DLG2: variants seen among roughly 807,000 people sequenced by gnomAD.
DLG2 encodes the protein disks large homolog 2.
DLG2 carries 45 observed loss-of-function variants against 132.5 expected under a neutral mutation model. That is an observed-to-expected ratio of 0.34 (90% CI 0.27 to 0.44). The LOEUF (loss-of-function observed/expected upper bound fraction) is 0.44, where lower values mean the gene tolerates loss of function less well. Among genes scored for constraint, DLG2 ranks in the 20% least tolerant of loss-of-function variants. The probability of loss-of-function intolerance (pLI) is 1.00; values close to 1 mark genes in which losing one functional copy is unlikely to be tolerated. For synonymous variants in DLG2, 424 were observed against 419.6 expected, an observed-to-expected ratio of 1.01 and a Z score of -0.13; for missense variants, 1,045 against 1,196.9, an observed-to-expected ratio of 0.87 and a Z score of 1.87.
At chr11:85,483,396 A>T (rs2093345314) in intron 3 of DLG2, among the ~76,000 whole-genome samples, 1 of 152,184 alleles carries the variant, frequency 6.6e-6, no homozygotes. Flanking sequence ...TCAGAAATGA[A>T]AGAGAAATAA....
At chr11:84,728,398 A>G (rs1352357319) in intron 6 of DLG2, among the ~76,000 whole-genome samples, 1 of 152,174 alleles carries the variant, frequency 6.6e-6, no homozygotes, top group Non-Finnish European at 1.5e-5. Context: ...ATGTTTATTG[A>G]AAGGCATATG....
chr11:84,963,010 A>G (rs2052804825), intron 6 of DLG2, among the ~76,000 whole-genome samples: 1 of 152,182 alleles, frequency 6.6e-6, no homozygotes, highest in Non-Finnish European at 1.5e-5. Context: ...CTTACCTTCT[A>G]AATATTCTCT....
intron 19 of DLG2, among the ~76,000 whole-genome samples, chr11:83,558,904 C>A (rs2096565386): frequency 6.9e-6 from 1 of 145,178 alleles, no homozygotes; most frequent in South Asian, 2.2e-4. Context: ...TAAAATCTGG[C>A]CCCCTCCATC....
intron 7 of DLG2, among the ~76,000 whole-genome samples, chr11:84,426,553 A>G (rs144616480): frequency 0.014 from 2,085 of 152,284 alleles, 26 homozygotes; most frequent in South Asian, 0.034. Context: ...CTAAATTAGA[A>G]CACATAAAAT....
chr11:85,383,172 C>A (rs2152932984), intron 3 of DLG2, among the ~76,000 whole-genome samples: 1 of 152,212 alleles, frequency 6.6e-6, no homozygotes, highest in East Asian at 1.9e-4. Context: ...GTACTAATGT[C>A]TACTAAAACA....
At chr11:84,273,968 G>A (rs1266231243) in intron 7 of DLG2, among the ~76,000 whole-genome samples, 3 of 152,078 alleles carry the variant, frequency 2.0e-5, no homozygotes, top group African/African-American at 7.2e-5. Flanking sequence ...ATATATTGAA[G>A]AAAAGTCACT....
chr11:84,709,550 A>G (rs2060138902), intron 6 of DLG2, among the ~76,000 whole-genome samples: 2 of 152,066 alleles, frequency 1.3e-5, no homozygotes, highest in Admixed American at 6.6e-5. Context: ...GAAGTGAAAG[A>G]GCTTCCCCAA....
rs145701408 is a variant in DLG2, at chr11:83,966,577, G to A, written c.1057-1109C>T. On this transcript the variant is annotated intron_variant, in intron 12 of 27. Coordinates refer to ENST00000376104, the MANE Select transcript of DLG2 (RefSeq NM_001142699.3). ...ATTAGAATAAACGTTAATTCAGGAA[G>A]TATTTCAAATACCTAGGTTATCCGT... is the stretch of plus-strand genomic sequence containing the variant. Among the ~76,000 whole-genome samples, 333 of 152,042 alleles carry A rather than the reference G, an allele frequency of 2.2e-3. 2 individuals are homozygous for A. Among genetic ancestry groups the A allele is most frequent in the Non-Finnish European group, 3.7e-3 (248 of 67,880 alleles).
At chr11:85,493,263 G>A (rs2093602698) in intron 3 of DLG2, among the ~76,000 whole-genome samples, 2 of 152,128 alleles carry the variant, frequency 1.3e-5, no homozygotes, top group Admixed American at 1.3e-4. Context: ...AGTAGAAGCT[G>A]AATAAACTTA....
chr11:84,621,214 A>G (rs780000666), intron 6 of DLG2, among the ~76,000 whole-genome samples: 1 of 152,142 alleles, frequency 6.6e-6, no homozygotes, highest in Non-Finnish European at 1.5e-5. Context: ...ATTTCCACTC[A>G]TATATTTTAG....
At chr11:85,233,296 A>G (rs2075398358) in intron 4 of DLG2, among the ~76,000 whole-genome samples, 1 of 151,864 alleles carries the variant, frequency 6.6e-6, no homozygotes, top group African/African-American at 2.4e-5. Context: ...TGGCATCTTT[A>G]GAGTAAAATT....
At position 84,903,393 on chromosome 11, in the gene DLG2, C is replaced by T. The variant is rs80211853; in HGVS notation, c.357+208268G>A. On this transcript the variant is annotated intron_variant, in intron 6 of 27. Coordinates refer to ENST00000376104, the MANE Select transcript of DLG2 (RefSeq NM_001142699.3). ...TTAAGAGTTGAAAATTTCCCCAACA[C>T]CCCTTTGCGTAGTTAGCTAAGGCCC... Among the ~76,000 whole-genome samples, 1,289 of 152,172 alleles carry T rather than the reference C, an allele frequency of 8.5e-3. 14 individuals carry two copies. The highest frequency in any genetic ancestry group is 0.03 in the African/African-American group (1,228 of 41,544).
intron 6 of DLG2, among the ~76,000 whole-genome samples, chr11:85,053,498 G>A (rs941332134): frequency 1.3e-5 from 2 of 151,794 alleles, no homozygotes; most frequent in African/African-American, 4.8e-5. Flanking sequence ...AAAAAATATA[G>A]TGAGTACAGG....
At chr11:83,704,004 C>G (rs1244093252) in intron 18 of DLG2, among the ~76,000 whole-genome samples, 1 of 152,072 alleles carries the variant, frequency 6.6e-6, no homozygotes, top group African/African-American at 2.4e-5. Flanking sequence ...CCATGACTAC[C>G]ATGTACAATA....
At chr11:84,019,699 T>A (rs150297070) in intron 11 of DLG2, among the ~76,000 whole-genome samples, 2 of 152,070 alleles carry the variant, frequency 1.3e-5, no homozygotes, top group African/African-American at 4.8e-5. Context: ...GAAACAGACA[T>A]GCATACAGGG....
intron 4 of DLG2, among the ~76,000 whole-genome samples, chr11:85,231,689 T>G (rs1595566704): frequency 6.6e-6 from 1 of 151,900 alleles, no homozygotes; most frequent in Non-Finnish European, 1.5e-5. Flanking sequence ...GCACATTAGC[T>G]TTATCCTATC....
chr11:84,493,106 T>G (rs1227856422), intron 7 of DLG2, among the ~76,000 whole-genome samples: 1 of 152,090 alleles, frequency 6.6e-6, no homozygotes, highest in Non-Finnish European at 1.5e-5. Flanking sequence ...CTTTTCTACC[T>G]GAAGTGTCCA....
At chr11:84,728,787 A>G (rs1375557847) in intron 6 of DLG2, among the ~76,000 whole-genome samples, 1 of 152,154 alleles carries the variant, frequency 6.6e-6, no homozygotes, top group Non-Finnish European at 1.5e-5. Flanking sequence ...TGGTTTATTC[A>G]GGGATTCAAC....
At chr11:84,446,707 A>T (rs977944101) in intron 7 of DLG2, among the ~76,000 whole-genome samples, 2 of 152,132 alleles carry the variant, frequency 1.3e-5, no homozygotes, top group African/African-American at 4.8e-5. Flanking sequence ...GTTTTTAAAA[A>T]GTCCTTTCAC....
Sources: gnomAD v4.1 joint callset for allele counts (sites outside exome capture counted in the v4.1 genomes callset) on GRCh38, gnomAD v4.1.1 for gene constraint, MANE v1.5 for transcripts, NCBI Gene and HGNC (gene_info 2026-07-23, HGNC 2026-07-21) for gene names.